DLG1: variants seen among roughly 807,000 people sequenced by gnomAD.
DLG1 encodes the protein disks large homolog 1.
DLG1 carries 42 observed loss-of-function variants against 123.4 expected under a neutral mutation model. The ratio of observed to expected loss-of-function variants is 0.34; its 90% CI spans 0.27 to 0.44. DLG1 has a LOEUF of 0.44. Among genes scored for constraint, DLG1 ranks in the 20% least tolerant of loss-of-function variants. DLG1 has a pLI of 1.00. For synonymous variants in DLG1, 317 were observed against 356.2 expected (o/e 0.89, Z 1.24); for missense variants, 942 against 1,082.6 (o/e 0.87, Z 1.82).
chr3:197,171,299 G>A (rs1804072395), intron 5 of DLG1, among the ~76,000 whole-genome samples: 1 of 152,028 alleles, frequency 6.6e-6, no homozygotes, highest in Non-Finnish European at 1.5e-5. Context: ...TGATTTTTAT[G>A]GTTTAAATCT....
intron 4 of DLG1, among the ~76,000 whole-genome samples, chr3:197,225,569 TG>T (rs2150551139): frequency 6.6e-6 from 1 of 152,350 alleles, no homozygotes; most frequent in East Asian, 1.9e-4. Flanking sequence ...TGGTGTTTCC[TG>T]TACACTTAAT....
intron 4 of DLG1, among the ~76,000 whole-genome samples, chr3:197,226,621 T>C (rs1387799136): frequency 6.6e-6 from 1 of 152,174 alleles, no homozygotes; most frequent in African/African-American, 2.4e-5. Context: ...CAAAAATCAA[T>C]CATCTGGCAA....
chr3:197,293,700 A>G (rs1776026588), intron 3 of DLG1, among the ~76,000 whole-genome samples: 1 of 152,102 alleles, frequency 6.6e-6, no homozygotes, highest in Admixed American at 6.5e-5. Flanking sequence ...TAAATGATCA[A>G]TGCAGACTGA....
At chr3:197,177,721 T>C (rs1807885141) in intron 5 of DLG1, among the ~76,000 whole-genome samples, 1 of 152,166 alleles carries the variant, frequency 6.6e-6, no homozygotes, top group Non-Finnish European at 1.5e-5. Context: ...TGATTCCCTC[T>C]TTTCATTAAA....
chr3:197,149,228 C>T (rs187781512), intron 6 of DLG1, among the ~76,000 whole-genome samples: 14 of 152,258 alleles, frequency 9.2e-5, no homozygotes, highest in African/African-American at 3.1e-4. Flanking sequence ...CTACACCCAC[C>T]ACCTGGCAAC....
chr3:197,281,190 A>G (rs2151142014), intron 4 of DLG1, among the ~76,000 whole-genome samples: 1 of 152,168 alleles, frequency 6.6e-6, no homozygotes, highest in South Asian at 2.1e-4. Context: ...GGTGCATGAC[A>G]CCATGCTCAG....
intron 4 of DLG1, among the ~76,000 whole-genome samples, chr3:197,242,126 A>C (rs1749215944): frequency 6.6e-6 from 1 of 152,064 alleles, no homozygotes; most frequent in Non-Finnish European, 1.5e-5. Context: ...TGGAAACCAA[A>C]AAAGCTCAGG....
In DLG1 at chr3:197,051,573, C is replaced by T. The variant is rs753627877; in HGVS notation, c.2575+4G>A. On this transcript the variant is annotated splice_donor_region_variant and intron_variant, in intron 24 of 24. Transcript: ENST00000667157. Reference sequence around the variant, plus strand: ...AAAGAGGACTGTTACAACACGGTTCCAACCTGTGAAATGTTCAGTAAACTC... The same window carrying T: ...AAAGAGGACTGTTACAACACGGTTCTAACCTGTGAAATGTTCAGTAAACTC... The T allele has an allele frequency of 6.2e-7, 1 of 1,612,044 alleles. No homozygotes were observed. The highest frequency in any genetic ancestry group is 1.7e-5 in the Admixed American group (1 of 59,982).
chr3:197,117,475 T>C (rs1165441599), intron 12 of DLG1, among the ~76,000 whole-genome samples: 1 of 152,224 alleles, frequency 6.6e-6, no homozygotes, highest in African/African-American at 2.4e-5. Context: ...GTGGCATATA[T>C]GTATAATTGA....
intron 11 of DLG1, among the ~76,000 whole-genome samples, chr3:197,122,150 GT>G (rs371499460): frequency 2.4e-4 from 37 of 152,002 alleles, no homozygotes; most frequent in African/African-American, 6.5e-4. Context: ...AAGGATGTGG[GT>G]TTTTTCCCCC....
chr3:197,155,947 T>TATAAATAAATAAATAA (rs528270321), intron 5 of DLG1, among the ~76,000 whole-genome samples: 12 of 152,098 alleles, frequency 7.9e-5, no homozygotes, highest in African/African-American at 1.4e-4. Flanking sequence ...AGACCCTGCC[T>TATAAATAAATAAATAA]ATAAATAAAT....
intron 4 of DLG1, among the ~76,000 whole-genome samples, chr3:197,263,365 G>A (rs946546314): frequency 5.3e-5 from 8 of 151,842 alleles, no homozygotes; most frequent in African/African-American, 1.9e-4. Context: ...GTGGGAGGAG[G>A]GTCTCAACTT....
intron 4 of DLG1, among the ~76,000 whole-genome samples, chr3:197,220,541 C>G (rs1423114222): frequency 6.6e-6 from 1 of 152,100 alleles, no homozygotes; most frequent in Non-Finnish European, 1.5e-5. Flanking sequence ...TAGCTGCAGA[C>G]ATATTATGGG....
intron 3 of DLG1, among the ~76,000 whole-genome samples, chr3:197,291,776 T>C (rs931982397): frequency 2.6e-5 from 4 of 152,286 alleles, no homozygotes; most frequent in Admixed American, 6.5e-5. Context: ...TTCCAGTCTA[T>C]AAAACAGTAC....
intron 4 of DLG1, among the ~76,000 whole-genome samples, chr3:197,218,710 A>T (rs1264210233): frequency 6.6e-6 from 1 of 152,232 alleles, no homozygotes; most frequent in Non-Finnish European, 1.5e-5. Context: ...GGAACAATTT[A>T]AAATAACAAT....
chr3:197,134,193 G>C (rs1379962557), intron 10 of DLG1, among the ~76,000 whole-genome samples: 4 of 152,114 alleles, frequency 2.6e-5, no homozygotes, highest in Non-Finnish European at 5.9e-5. Context: ...GGATAAGTTA[G>C]AGAAACATAG....
chr3:197,218,894 A>T (rs3010117), intron 4 of DLG1, among the ~76,000 whole-genome samples: 1 of 152,020 alleles, frequency 6.6e-6, no homozygotes, highest in Non-Finnish European at 1.5e-5. Flanking sequence ...CACTTTGGGA[A>T]GCCGAGGCGG....
intron 3 of DLG1, among the ~76,000 whole-genome samples, chr3:197,296,002 A>G (rs1777196765): frequency 1.3e-5 from 2 of 152,240 alleles, no homozygotes; most frequent in South Asian, 2.1e-4. Flanking sequence ...ACACGCTTTC[A>G]ATGACTTCAG....
intron 4 of DLG1, among the ~76,000 whole-genome samples, chr3:197,270,392 A>T (rs1579080218): frequency 6.6e-6 from 1 of 152,332 alleles, no homozygotes; most frequent in East Asian, 1.9e-4. Context: ...GGAACTTAGC[A>T]ACCTCTGGAG....
Sources: gnomAD v4.1 joint callset for allele counts (sites outside exome capture counted in the v4.1 genomes callset) on GRCh38, gnomAD v4.1.1 for gene constraint, MANE v1.5 for transcripts, NCBI Gene and HGNC (gene_info 2026-07-23, HGNC 2026-07-21) for gene names.